The following LPAR5 variants were observed in gnomAD, a reference collection of about 807,000 sequenced individuals.
The protein encoded by LPAR5 is lysophosphatidic acid receptor 5, also known as G protein-coupled receptor 92.
For missense variants in LPAR5, 544 were observed against 521.8 expected (o/e 1.04, Z -0.41); for synonymous variants, 271 against 261.6 (o/e 1.04, Z -0.35).
At chr12:6,625,679 C>T (rs1043734762) in intron 1 of LPAR5, among the ~76,000 whole-genome samples, 2 of 146,682 alleles carry the variant, frequency 1.4e-5, no homozygotes, top group Non-Finnish European at 3.0e-5. Flanking sequence ...GCCGAGTTCA[C>T]GCCACTGCAT....
At position 6,619,674 on chromosome 12, in the gene LPAR5, G is replaced by A; in HGVS notation, c.*456C>T. On this transcript the variant is annotated 3_prime_UTR_variant, in exon 2 of 2. Transcript: ENST00000329858. ...GCCTAGGCCGAAATGAAAGGGGGTG[G>A]CATCCATGAGCCTAGACAGAAGTCA... is the stretch of plus-strand genomic sequence containing the variant. The A allele has an allele frequency of 3.0e-6, 1 of 332,614 alleles. No individual in the cohort carries two copies. The highest frequency in any genetic ancestry group is 5.9e-6 in the Non-Finnish European group (1 of 168,160). The allele number at this position is 332,614 out of a possible 1,614,324, so 20.6% of individuals were successfully genotyped here.
chr12:6,620,838 C>T lies in LPAR5; in HGVS notation c.411G>A (p.Val137=). ...LRLRHLRRPR[V]ARLLCLGVWA... is the part of the protein sequence containing the mutation. ...ACACGCCCAGGCAGAGCAGCCGCGC[C>T]ACGCGGGGCCGCCGCAGGTGGCGCA... Residue 137 remains valine (V), a synonymous_variant, in exon 2 of 2, where the codon GTG becomes GTA. Coordinates refer to ENST00000329858, the MANE Select transcript of LPAR5 (RefSeq NM_020400.6). The surrounding 1 kb of genome is among the most constrained non-coding windows in gnomAD (Gnocchi z 6.8). The T allele has an allele frequency of 6.4e-7, 1 of 1,560,364 alleles. No homozygotes were observed. Among genetic ancestry groups the T allele is most frequent in the Non-Finnish European group, 8.7e-7 (1 of 1,152,130 alleles).
At chr12:6,632,575 G>C (rs1948986768) in intron 1 of LPAR5, among the ~76,000 whole-genome samples, 1 of 152,144 alleles carries the variant, frequency 6.6e-6, no homozygotes, top group Non-Finnish European at 1.5e-5. Flanking sequence ...TCATCATGAA[G>C]ACTCAGTATC....
rs540403442 is a variant in LPAR5 at position 6,622,901 on chromosome 12, C to T, written c.-216-1437G>A. Among the ~76,000 whole-genome samples, 3 of 152,238 alleles carry T rather than the reference C, an allele frequency of 2.0e-5. No homozygotes were observed. In the East Asian group the frequency reaches 5.8e-4, roughly 29 times the overall value. ...GCAGTGAGCCTCAAGCCCACCACTG[C>T]ACTCCTGCCTGGGTGACAGAGTGAG... On this transcript the variant is annotated intron_variant, in intron 1 of 1. Transcript: ENST00000329858.
chr12:6,626,817 A>G (rs1323529184), intron 1 of LPAR5, among the ~76,000 whole-genome samples: 1 of 152,130 alleles, frequency 6.6e-6, no homozygotes, highest in Non-Finnish European at 1.5e-5. Context: ...CACAAGGCGG[A>G]TGTGGTACCC....
chr12:6,623,966 GCAAA>G (rs2136241461), intron 1 of LPAR5, among the ~76,000 whole-genome samples: 1 of 152,114 alleles, frequency 6.6e-6, no homozygotes, highest in South Asian at 2.1e-4. Flanking sequence ...TGTCAGACAA[GCAAA>G]CAAGCAAACA....
intron 1 of LPAR5, among the ~76,000 whole-genome samples, chr12:6,629,538 G>T (rs1592301568): frequency 1.3e-5 from 2 of 150,184 alleles, no homozygotes; most frequent in East Asian, 3.9e-4. Flanking sequence ...GCCGAGCTTG[G>T]TGGCACCTGC....
Position 6,620,971 on chromosome 12 carries a change from A to G in LPAR5, c.278T>C (p.Leu93Pro). 6.2e-7 allele frequency: 1 copy of G among 1,613,360 alleles called. No homozygotes were observed. Among genetic ancestry groups the G allele is most frequent in the Non-Finnish European group, 8.5e-7 (1 of 1,179,730 alleles). The change falls in exon 2 of 2, where the codon CTG becomes CCG. Residue 93 changes from leucine to proline, a missense_variant. Leu to Pro is a moderately conservative substitution (Grantham distance 98). Coordinates refer to ENST00000329858, the MANE Select transcript of LPAR5 (RefSeq NM_020400.6). The surrounding 1 kb of genome is among the most constrained non-coding windows in gnomAD (Gnocchi z 6.8). ...ALHHWPFPDL[L>P]CQTTGAIFQM... ...GAAGATGGCGCCCGTCGTCTGGCAC[A>G]GGAGGTCGGGGAAGGGCCAGTGGTG... is the stretch of plus-strand genomic sequence containing the variant.
intron 1 of LPAR5, among the ~76,000 whole-genome samples, chr12:6,629,998 T>C (rs1415073877): frequency 6.6e-6 from 1 of 152,052 alleles, no homozygotes; most frequent in Non-Finnish European, 1.5e-5. Context: ...CACTCCAGCC[T>C]GGGTGACAAG....
intron 1 of LPAR5, among the ~76,000 whole-genome samples, chr12:6,624,962 A>G (rs1444274484): frequency 6.6e-6 from 1 of 152,074 alleles, no homozygotes; most frequent in Non-Finnish European, 1.5e-5. Flanking sequence ...TTCATTGTAT[A>G]ATGTTTTGCT....
intron 1 of LPAR5, among the ~76,000 whole-genome samples, chr12:6,630,697 C>A (rs1029403148): frequency 6.6e-6 from 1 of 151,792 alleles, no homozygotes; most frequent in African/African-American, 2.4e-5. Flanking sequence ...GTTGATCCAC[C>A]CGGCTCGGCC....
rs12303174 is a variant in LPAR5, at chr12:6,621,271, C to T, written c.-23G>A. On this transcript the variant is annotated 5_prime_UTR_variant, in exon 2 of 2. It removes the in-frame stop codon of an upstream open reading frame in the 5' UTR. Coordinates refer to ENST00000329858, the MANE Select transcript of LPAR5 (RefSeq NM_020400.6). ...CATCGTGCCAAAGTGGGATTGGGAG[C>T]TAGGCTGGGGATGCCATGGAGCACA... 1 of 1,489,144 alleles carries T rather than the reference C, an allele frequency of 6.7e-7. No homozygotes were observed. 92.2% of individuals were successfully genotyped at this position (1,489,144 alleles called of 1,614,324 possible).
At chr12:6,621,697 T>G (rs1297218695) in intron 1 of LPAR5, among the ~76,000 whole-genome samples, 2 of 152,206 alleles carry the variant, frequency 1.3e-5, no homozygotes, top group Non-Finnish European at 2.9e-5. Flanking sequence ...GTTGTGTGAC[T>G]TCAAAAAAAT....
chr12:6,627,738 G>C (rs1260336927), intron 1 of LPAR5, among the ~76,000 whole-genome samples: 3 of 151,986 alleles, frequency 2.0e-5, no homozygotes, highest in Non-Finnish European at 4.4e-5. Context: ...AGCGCACCTT[G>C]CAGACACATT....
chr12:6,620,979 G>C lies in LPAR5; in HGVS notation c.270C>G (p.Pro90=). The C allele has an allele frequency of 3.7e-6, 6 of 1,613,496 alleles. No homozygotes were observed. Among genetic ancestry groups the C allele is most frequent in the Non-Finnish European group, 4.2e-6 (5 of 1,179,782 alleles). ...SYYALHHWPF[P]DLLCQTTGAI... is the part of the protein sequence containing the mutation. ...CGCCCGTCGTCTGGCACAGGAGGTC[G>C]GGGAAGGGCCAGTGGTGCAGTGCGT... Residue 90 remains proline, a synonymous_variant, in exon 2 of 2, where the codon CCC becomes CCG. Coordinates refer to ENST00000329858, the MANE Select transcript of LPAR5 (RefSeq NM_020400.6). This position sits in a 1 kb window ranked among gnomAD's most constrained non-coding sequence, Gnocchi z 6.8.
chr12:6,625,154 G>A (rs1256280452), intron 1 of LPAR5, among the ~76,000 whole-genome samples: 26 of 152,108 alleles, frequency 1.7e-4, no homozygotes, highest in Non-Finnish European at 2.9e-5. Context: ...GGCCGGGCGT[G>A]GTGGTTCACG....
Position 6,621,104 on chromosome 12 carries a change from G to T in LPAR5, c.145C>A (p.Arg49Ser), listed in dbSNP as rs769378579. Residue 49 changes from arginine to serine, a missense_variant, in exon 2 of 2, where the codon CGC becomes AGC. By Grantham distance (110) the Arg-to-Ser change is moderately radical. Transcript: ENST00000329858. ...LNALALWVFL[R>S]ALRVHSVVSV... is the part of the protein sequence containing the mutation. Reference sequence around the variant, plus strand: ...ACCACCGAGTGCACGCGCAGCGCGCGCAGGAAGACCCAGAGGGCTAGCGCG... The same window carrying T: ...ACCACCGAGTGCACGCGCAGCGCGCTCAGGAAGACCCAGAGGGCTAGCGCG... The T allele has an allele frequency of 3.1e-6, 5 of 1,602,778 alleles. No homozygotes were observed. In the African/African-American group the frequency reaches 4.0e-5, roughly 13 times the overall value.
intron 1 of LPAR5, among the ~76,000 whole-genome samples, chr12:6,627,669 A>C (rs751556843): frequency 3.0e-4 from 46 of 152,144 alleles, no homozygotes; most frequent in Non-Finnish European, 5.0e-4. Context: ...TGAGCCCCTC[A>C]ATCGTTTTAT....
In LPAR5 at chr12:6,628,028, C is replaced by CTTTTT. The variant is rs71067128; in HGVS notation, c.-216-6569_-216-6565dup. Among the ~76,000 whole-genome samples, 23 of 134,470 alleles carry CTTTTT rather than the reference C, an allele frequency of 1.7e-4. 5 individuals are homozygous for CTTTTT. Among genetic ancestry groups the CTTTTT allele is most frequent in the Non-Finnish European group, 2.0e-4 (13 of 64,168 alleles). The allele number at this position is 134,470 out of a possible 152,430, so 88.2% of individuals were successfully genotyped here. A position where few individuals can be genotyped will look rare whatever the true frequency, so the allele number is the denominator to read the frequency against. ...GATCATTCTTTTCTTTTTCTTTTTT[C>CTTTTT]TTTTTTTTTTTGAGACAGAGTCTTG... is the stretch of plus-strand genomic sequence containing the variant. On this transcript the variant is annotated intron_variant, in intron 1 of 1. Transcript: ENST00000329858.
Sources: allele counts gnomAD v4.1 joint callset (sites outside exome capture counted in the v4.1 genomes callset), GRCh38; gene constraint gnomAD v4.1.1; non-coding constraint Gnocchi (gnomAD v3.1); transcripts MANE v1.5; gene names NCBI Gene and HGNC (gene_info 2026-07-23, HGNC 2026-07-21).